Variants in CIMIP4 observed in about 807,000 individuals in gnomAD.
The protein encoded by CIMIP4 is protein EAN57.
the CIMIP4 span, among the ~76,000 whole-genome samples, chr22:37,004,879 G>A: frequency 6.6e-6 from 1 of 152,004 alleles, no homozygotes; most frequent in African/African-American, 2.4e-5. Context: ...GTAGAGACAG[G>A]GTTTCACCAT....
chr22:37,002,329 G>A, the CIMIP4 span: 1 of 1,307,348 alleles, frequency 7.6e-7, no homozygotes, highest in Non-Finnish European at 9.8e-7. Context: ...AGAAACAGAG[G>A]GGGAGGGAGA....
chr22:37,006,909 G>T, the CIMIP4 span, among the ~76,000 whole-genome samples: 9 of 152,180 alleles, frequency 5.9e-5, no homozygotes, highest in African/African-American at 1.2e-4. Flanking sequence ...GCTCTCCTCA[G>T]CTCATCTTCT....
the CIMIP4 span, among the ~76,000 whole-genome samples, chr22:36,999,594 A>AGGGGGGG: frequency 1.0e-4 from 1 of 10,000 alleles, no homozygotes; most frequent in Non-Finnish European, 1.8e-4. Flanking sequence ...GGGGGATGGG[A>AGGGGGGG]GGGGAGGGAC....
At chr22:36,996,035 G>A in the CIMIP4 span, among the ~76,000 whole-genome samples, 1 of 152,108 alleles carries the variant, frequency 6.6e-6, no homozygotes, top group Non-Finnish European at 1.5e-5. Context: ...TTAAACTCTA[G>A]CCTCTGACTG....
chr22:36,999,852 T>C, the CIMIP4 span: 27 of 1,613,490 alleles, frequency 1.7e-5, no homozygotes, highest in African/African-American at 2.7e-5. Flanking sequence ...CGAAACAAGT[T>C]TGACCGCATG....
the CIMIP4 span, among the ~76,000 whole-genome samples, chr22:36,993,076 A>G: frequency 1.3e-5 from 2 of 150,444 alleles, no homozygotes; most frequent in Non-Finnish European, 2.9e-5. Context: ...CTGTGGCTCA[A>G]TCTTGGCTCA....
the CIMIP4 span, among the ~76,000 whole-genome samples, chr22:36,994,662 T>G: frequency 6.8e-6 from 1 of 148,074 alleles, no homozygotes; most frequent in African/African-American, 2.5e-5. Flanking sequence ...GATGGAGTCT[T>G]GCTCTGTCAC....
the CIMIP4 span, among the ~76,000 whole-genome samples, chr22:37,001,657 A>T: frequency 4.6e-5 from 7 of 152,284 alleles, no homozygotes; most frequent in African/African-American, 1.7e-4. Context: ...GTTGCTGGGA[A>T]GATGTAACAA....
the CIMIP4 span, chr22:37,003,902 C>T: frequency 6.7e-7 from 1 of 1,498,082 alleles, no homozygotes; most frequent in Non-Finnish European, 9.0e-7. Context: ...TGCCCTGCTG[C>T]CCCAGGGAGT....
the CIMIP4 span, among the ~76,000 whole-genome samples, chr22:37,003,102 G>A: frequency 2.0e-5 from 3 of 152,252 alleles, no homozygotes; most frequent in African/African-American, 7.2e-5. Flanking sequence ...TAAGGGCTGG[G>A]CATCTTGGCC....
chr22:37,006,051 C>T, the CIMIP4 span, among the ~76,000 whole-genome samples: 1 of 152,184 alleles, frequency 6.6e-6, no homozygotes, highest in Non-Finnish European at 1.5e-5. Flanking sequence ...CTGATATATC[C>T]TCTTAACAGA....
At chr22:37,003,656 G>A in the CIMIP4 span, among the ~76,000 whole-genome samples, 2 of 152,166 alleles carry the variant, frequency 1.3e-5, no homozygotes, top group East Asian at 3.9e-4. Context: ...CCCTCACCAT[G>A]TTCCCCCACA....
At chr22:37,000,386 A>G in the CIMIP4 span, among the ~76,000 whole-genome samples, 1 of 152,074 alleles carries the variant, frequency 6.6e-6, no homozygotes, top group Non-Finnish European at 1.5e-5. Context: ...CTTGCCTCCT[A>G]CAACTGAGGC....
At chr22:36,999,731 G>T in the CIMIP4 span, 6 of 1,366,306 alleles carry the variant, frequency 4.4e-6, no homozygotes, top group East Asian at 1.2e-4. Context: ...TTGAAGATGT[G>T]CCCTGGGGTC....
the CIMIP4 span, among the ~76,000 whole-genome samples, chr22:36,993,083 C>T: frequency 6.7e-6 from 1 of 149,024 alleles, no homozygotes; most frequent in African/African-American, 2.5e-5. Context: ...TCAATCTTGG[C>T]TCACTGCAAC....
chr22:36,999,456 A>G, the CIMIP4 span, among the ~76,000 whole-genome samples: 2 of 142,436 alleles, frequency 1.4e-5, no homozygotes, highest in Non-Finnish European at 3.0e-5. Context: ...AGATTGTGCC[A>G]CTGCACCCCA....
chr22:36,998,467 A>G, the CIMIP4 span, among the ~76,000 whole-genome samples: 30,588 of 151,850 alleles, frequency 0.2, 3,395 homozygotes, highest in East Asian at 0.53. Flanking sequence ...AAACAGCCTC[A>G]TTTTGCAATG....
chr22:37,003,857 C>T, the CIMIP4 span: 92 of 1,176,834 alleles, frequency 7.8e-5, no homozygotes, highest in Non-Finnish European at 1.0e-4. Context: ...GGTCTGGAGG[C>T]CAACACAAGA....
At chr22:36,994,224 T>C in the CIMIP4 span, among the ~76,000 whole-genome samples, 1 of 152,250 alleles carries the variant, frequency 6.6e-6, no homozygotes, top group Non-Finnish European at 1.5e-5. Flanking sequence ...AAGCAAAGCA[T>C]ATTAATAAGG....
Sources: gnomAD v4.1 joint callset for allele counts (sites outside exome capture counted in the v4.1 genomes callset) on GRCh38, gnomAD v4.1.1 for gene constraint, MANE v1.5 for transcripts, NCBI Gene and HGNC (gene_info 2026-07-23, HGNC 2026-07-21) for gene names.